The following ALK variants were observed in gnomAD, a reference collection of about 807,000 sequenced individuals.
ALK encodes ALK tyrosine kinase receptor.
A neutral mutation model predicts 163.1 loss-of-function variants in ALK; 74 were observed. The ratio of observed to expected loss-of-function variants is 0.45; its 90% CI spans 0.38 to 0.55. ALK has a LOEUF of 0.55. ALK is among the 20% of genes least tolerant of loss of function. The pLI is 0.00. For synonymous variants in ALK, 960 were observed against 843.2 expected, an observed-to-expected ratio of 1.14 and a Z score of -2.40; for missense variants, 2,063 against 2,105.3, an observed-to-expected ratio of 0.98 and a Z score of 0.39.
chr2:29,358,354 G>A (rs1232983937), intron 5 of ALK, among the ~76,000 whole-genome samples: 1 of 152,072 alleles, frequency 6.6e-6, no homozygotes, highest in Non-Finnish European at 1.5e-5. Flanking sequence ...TAAATGTTCT[G>A]GCCTTAGCTG....
At chr2:29,389,629 T>C (rs75511752) in intron 4 of ALK, among the ~76,000 whole-genome samples, 10,768 of 152,280 alleles carry the variant, frequency 0.071, 500 homozygotes, top group Non-Finnish European at 0.11. Flanking sequence ...AGAGGACAAA[T>C]GAACATATTT....
At chr2:29,462,979 T>C (rs1188715946) in intron 4 of ALK, among the ~76,000 whole-genome samples, 1 of 152,164 alleles carries the variant, frequency 6.6e-6, no homozygotes, top group East Asian at 1.9e-4. Context: ...AAAATGATGA[T>C]CCAAATCCTA....
At chr2:29,543,002 A>G (rs2148167699) in intron 3 of ALK, among the ~76,000 whole-genome samples, 1 of 152,144 alleles carries the variant, frequency 6.6e-6, no homozygotes, top group Admixed American at 6.5e-5. Flanking sequence ...CTCTGGGGTC[A>G]GCTTTTTTTA....
intron 4 of ALK, among the ~76,000 whole-genome samples, chr2:29,459,843 C>T (rs149824638): frequency 3.3e-5 from 5 of 152,116 alleles, no homozygotes; most frequent in Non-Finnish European, 7.4e-5. Context: ...GTAAGAAAAG[C>T]GAATCTCTGT....
chr2:29,655,135 A>G (rs6719138), intron 3 of ALK, among the ~76,000 whole-genome samples: 26,678 of 152,084 alleles, frequency 0.18, 5,348 homozygotes, highest in African/African-American at 0.49. Flanking sequence ...AGAATAAGCC[A>G]TGTCTGTCTC....
chr2:29,572,892 T>C (rs562165901), intron 3 of ALK, among the ~76,000 whole-genome samples: 88 of 152,314 alleles, frequency 5.8e-4, no homozygotes, highest in African/African-American at 1.7e-3. Context: ...GACAGCGGGA[T>C]TGTGGTGGTC....
chr2:29,518,875 T>TTGGGTGCTGATATGATTC (rs1672741239), intron 4 of ALK, among the ~76,000 whole-genome samples: 1 of 152,174 alleles, frequency 6.6e-6, no homozygotes, highest in African/African-American at 2.4e-5. Context: ...CTATCATGTG[T>TTGGGTGCTGATATGATTC]TGGGTGCTGA....
chr2:29,906,446 A>C lies in ALK; in HGVS notation c.667+13547T>G, dbSNP rs561696829. On this transcript the variant is annotated intron_variant, in intron 1 of 28. Coordinates refer to ENST00000389048, the MANE Select transcript of ALK (RefSeq NM_004304.5). ...TAAAGAAAAGGGATAGGAGAGAAAG[A>C]GGAGGAGAATGAAAAGAAGGAGGAG... is the stretch of plus-strand genomic sequence containing the variant. Among the ~76,000 whole-genome samples the C allele has an allele frequency of 3.3e-5, 5 of 152,326 alleles. No individual in the cohort carries two copies. In the East Asian group the frequency reaches 9.6e-4, roughly 29 times the overall value.
At chr2:29,198,433 C>T (rs1669077614) in intron 26 of ALK, among the ~76,000 whole-genome samples, 1 of 152,202 alleles carries the variant, frequency 6.6e-6, no homozygotes, top group Non-Finnish European at 1.5e-5. Flanking sequence ...TTCTCCCACA[C>T]CCCTCCACTT....
At chr2:29,417,992 A>G (rs2148327366) in intron 4 of ALK, among the ~76,000 whole-genome samples, 1 of 152,358 alleles carries the variant, frequency 6.6e-6, no homozygotes, top group Admixed American at 6.5e-5. Context: ...TTGACATAAG[A>G]GGCCTCTAAG....
intron 12 of ALK, among the ~76,000 whole-genome samples, chr2:29,244,125 GGA>G (rs1357658105): frequency 6.6e-6 from 1 of 152,236 alleles, no homozygotes; most frequent in Non-Finnish European, 1.5e-5. Flanking sequence ...GGATCTTGCG[GGA>G]GAGAGTGGAC....
In ALK at chr2:29,360,571, G is replaced by A. The variant is rs17007950; in HGVS notation, c.1282+23161C>T. On this transcript the variant is annotated intron_variant, in intron 5 of 28. Coordinates refer to ENST00000389048, the MANE Select transcript of ALK (RefSeq NM_004304.5). ...ATTTGATTTATTGGGCATCTTTCCC[G>A]TGTACAGCTCTGTGGTAGGTGTTAG... Among the ~76,000 whole-genome samples the A allele has an allele frequency of 9.7e-4, 148 of 152,254 alleles. 1 individual carries two copies. The East Asian group carries it at 0.026, about 26-fold the overall frequency.
At chr2:29,916,652 A>G (rs980978040) in intron 1 of ALK, among the ~76,000 whole-genome samples, 1 of 152,222 alleles carries the variant, frequency 6.6e-6, no homozygotes, top group Non-Finnish European at 1.5e-5. Context: ...GCCTCTCCAT[A>G]GTACATGTAA....
chr2:29,731,851 T>C (rs1364445366), intron 1 of ALK, among the ~76,000 whole-genome samples: 1 of 152,190 alleles, frequency 6.6e-6, no homozygotes, highest in African/African-American at 2.4e-5. Flanking sequence ...TCTCTTATAA[T>C]TGTGGACCAA....
At chr2:29,371,294 G>A (rs943955964) in intron 5 of ALK, among the ~76,000 whole-genome samples, 4 of 152,208 alleles carry the variant, frequency 2.6e-5, no homozygotes, top group African/African-American at 9.7e-5. Flanking sequence ...AGAATAAAAA[G>A]AGAACCATCA....
At chr2:29,318,167 T>G in intron 8 of ALK, 137 bp downstream of exon 8, 1 of 725,142 alleles carries the variant, frequency 1.4e-6, no homozygotes, top group Non-Finnish European at 2.5e-6. Context: ...GCCTCGAAGA[T>G]GGCAGAGGTG....
chr2:29,564,982 T>C (rs1366852036), intron 3 of ALK, among the ~76,000 whole-genome samples: 3 of 152,162 alleles, frequency 2.0e-5, no homozygotes, highest in African/African-American at 7.2e-5. Context: ...GCACAGCAAG[T>C]GACTTGAGGT....
chr2:29,873,632 A>G (rs1666631436), intron 1 of ALK, among the ~76,000 whole-genome samples: 1 of 152,120 alleles, frequency 6.6e-6, no homozygotes, highest in African/African-American at 2.4e-5. Context: ...AAATTCTAGG[A>G]AGAGAATTGA....
At chr2:29,266,561 G>T (rs1393822445) in intron 11 of ALK, among the ~76,000 whole-genome samples, 2 of 152,178 alleles carry the variant, frequency 1.3e-5, no homozygotes, top group African/African-American at 4.8e-5. Flanking sequence ...TTGAAAGCCT[G>T]ATAGAAATGA....
Sources: allele counts gnomAD v4.1 joint callset (sites outside exome capture counted in the v4.1 genomes callset), GRCh38; gene constraint gnomAD v4.1.1; transcripts MANE v1.5; gene names NCBI Gene and HGNC (gene_info 2026-07-23, HGNC 2026-07-21).